ADAMTSL1: variants seen among roughly 807,000 people sequenced by gnomAD.
ADAMTSL1 encodes the protein ADAMTS-like protein 1.
ADAMTSL1 carries 126 observed loss-of-function variants against 201.8 expected under a neutral mutation model. That is an observed-to-expected ratio of 0.62 (90% confidence interval 0.54 to 0.72). The LOEUF (loss-of-function observed/expected upper bound fraction) is 0.72, where lower values mean the gene tolerates loss of function less well. Among genes scored for constraint, ADAMTSL1 ranks in the 30% least tolerant of loss-of-function variants. The pLI is 0.00. For synonymous variants in ADAMTSL1, 1,121 were observed against 903.4 expected (o/e 1.24, Z -4.32); for missense variants, 2,679 against 2,277.8 (o/e 1.18, Z -3.59).
chr9:18,202,580 T>TA, intron 2 of ADAMTSL1, among the ~76,000 whole-genome samples: 1 of 152,318 alleles, frequency 6.6e-6, no homozygotes, highest in Admixed American at 6.5e-5. Flanking sequence ...AACCTGTAGT[T>TA]ACTCCCTCAT....
intron 2 of ADAMTSL1, among the ~76,000 whole-genome samples, chr9:18,282,029 G>A (rs769331686): frequency 3.3e-5 from 5 of 152,070 alleles, no homozygotes; most frequent in Non-Finnish European, 4.4e-5. Context: ...TTGCATACTG[G>A]TGGGGATTGG....
intron 15 of ADAMTSL1, among the ~76,000 whole-genome samples, chr9:18,745,097 A>G (rs1483068331): frequency 6.6e-6 from 1 of 152,214 alleles, no homozygotes; most frequent in Admixed American, 6.5e-5. Context: ...TTAATAAGTA[A>G]CAAAGAAGTA....
intron 20 of ADAMTSL1, among the ~76,000 whole-genome samples, chr9:18,804,050 C>G (rs899955088): frequency 6.6e-6 from 1 of 152,168 alleles, no homozygotes; most frequent in Non-Finnish European, 1.5e-5. Flanking sequence ...CTATGAACCT[C>G]TTTCCCGTTA....
At chr9:18,785,892 A>C (rs948101457) in intron 19 of ADAMTSL1, among the ~76,000 whole-genome samples, 7 of 152,160 alleles carry the variant, frequency 4.6e-5, no homozygotes, top group African/African-American at 1.4e-4. Context: ...AATTAGGAAA[A>C]ATTACTGGAT....
intron 25 of ADAMTSL1, chr9:18,890,617 T>C (rs768512867): frequency 4.4e-6 from 2 of 455,762 alleles, no homozygotes; most frequent in Non-Finnish European, 8.8e-6. Flanking sequence ...TGCTCATTAA[T>C]ATCAGCAGTT....
chr9:18,220,567 T>A (rs866570160), intron 2 of ADAMTSL1, among the ~76,000 whole-genome samples: 24 of 152,122 alleles, frequency 1.6e-4, no homozygotes, highest in African/African-American at 5.6e-4. Context: ...AATATGAGAA[T>A]CTCTAATTCT....
intron 1 of ADAMTSL1, among the ~76,000 whole-genome samples, chr9:18,038,215 G>A (rs879463546): frequency 1.3e-5 from 2 of 152,048 alleles, no homozygotes; most frequent in East Asian, 1.9e-4. Context: ...TGTGAGCCTC[G>A]GTTGTTCATT....
At chr9:18,305,589 G>A (rs1482106664) in intron 2 of ADAMTSL1, among the ~76,000 whole-genome samples, 2 of 152,200 alleles carry the variant, frequency 1.3e-5, no homozygotes, top group Non-Finnish European at 2.9e-5. Flanking sequence ...CAAAGCCGCA[G>A]GGAAGTTCAG....
Position 18,580,205 on chromosome 9 carries a change from A to G in ADAMTSL1, c.474+5939A>G, listed in dbSNP as rs61212477. Among the ~76,000 whole-genome samples the G allele has an allele frequency of 8.0e-3, 1,218 of 152,358 alleles. 19 individuals carry two copies. The highest frequency in any genetic ancestry group is 0.073 in the East Asian group (380 of 5,182). On this transcript the variant is annotated intron_variant, in intron 4 of 28. Transcript: ENST00000380548. ...ATAATATTGTTTTAAAATGAATAAT[A>G]CAGTACAGAAATAAGCAATAAAATG...
chr9:18,776,796 C>T lies in ADAMTSL1; in HGVS notation c.2567C>T (p.Ser856Phe), dbSNP rs572629774. The T allele has an allele frequency of 6.4e-7, 1 of 1,553,848 alleles. No individual in the cohort carries two copies. Among genetic ancestry groups the T allele is most frequent in the East Asian group, 2.4e-5 (1 of 41,250 alleles). Residue 856 changes from serine (S) to phenylalanine (F), a missense_variant, in exon 19 of 29, where the codon TCC becomes TTC. Coordinates refer to ENST00000380548, the MANE Select transcript of ADAMTSL1 (RefSeq NM_001040272.6). ...CTCCTTCCAGGGCCCGGGCGGCCAT[C>T]CACGAAGCACAGCCCGCACATCGCG... is the stretch of plus-strand genomic sequence containing the variant. ...LATCARPGRP[S>F]TKHSPHIAAA...
At chr9:18,386,384 T>C (rs1837790986) in intron 2 of ADAMTSL1, among the ~76,000 whole-genome samples, 1 of 152,166 alleles carries the variant, frequency 6.6e-6, no homozygotes, top group East Asian at 1.9e-4. Context: ...CTGGAGCCAG[T>C]GTAATTAGGG....
intron 6 of ADAMTSL1, among the ~76,000 whole-genome samples, chr9:18,636,721 G>T (rs934292619): frequency 2.6e-5 from 4 of 152,282 alleles, no homozygotes; most frequent in African/African-American, 9.6e-5. Context: ...ATACAGACCT[G>T]TAAATTACAA....
At chr9:18,140,538 A>G (rs1343929158) in intron 1 of ADAMTSL1, among the ~76,000 whole-genome samples, 2 of 152,196 alleles carry the variant, frequency 1.3e-5, no homozygotes, top group African/African-American at 4.8e-5. Flanking sequence ...ACTCAACACT[A>G]GAAGATTTTT....
At chr9:18,704,730 T>C (rs1025168928) in intron 13 of ADAMTSL1, among the ~76,000 whole-genome samples, 2 of 152,242 alleles carry the variant, frequency 1.3e-5, no homozygotes, top group East Asian at 1.9e-4. Context: ...AGGGGTCATT[T>C]TTTAAAGCAA....
At chr9:17,925,942 C>G (rs188777078) in intron 1 of ADAMTSL1, among the ~76,000 whole-genome samples, 1 of 151,970 alleles carries the variant, frequency 6.6e-6, no homozygotes, top group Non-Finnish European at 1.5e-5. Context: ...ACCTTCTCTC[C>G]CCAAGCGCAA....
At chr9:18,307,015 C>T (rs1243159077) in intron 2 of ADAMTSL1, among the ~76,000 whole-genome samples, 2 of 152,142 alleles carry the variant, frequency 1.3e-5, no homozygotes. Flanking sequence ...ACCCTACAAG[C>T]CAGAATAGAG....
At chr9:18,798,453 G>T (rs1163710250) in intron 20 of ADAMTSL1, among the ~76,000 whole-genome samples, 1 of 152,174 alleles carries the variant, frequency 6.6e-6, no homozygotes, top group Non-Finnish European at 1.5e-5. Context: ...ATTGTGGCTG[G>T]CATGTAGCAG....
chr9:18,129,082 G>A (rs1825849575), intron 1 of ADAMTSL1, among the ~76,000 whole-genome samples: 1 of 152,062 alleles, frequency 6.6e-6, no homozygotes, highest in Non-Finnish European at 1.5e-5. Context: ...TTTAGCAATG[G>A]TATAATCTGT....
chr9:18,847,338 AC>A (rs879695438), intron 23 of ADAMTSL1, among the ~76,000 whole-genome samples: 6 of 152,202 alleles, frequency 3.9e-5, no homozygotes, highest in Non-Finnish European at 7.3e-5. Context: ...GATACAACAG[AC>A]ACACTTACTG....
Sources: allele counts gnomAD v4.1 joint callset (sites outside exome capture counted in the v4.1 genomes callset), GRCh38; gene constraint gnomAD v4.1.1; transcripts MANE v1.5; gene names NCBI Gene and HGNC (gene_info 2026-07-23, HGNC 2026-07-21).